The following ZMAT4 variants were observed in gnomAD, a reference collection of about 807,000 sequenced individuals.
The protein encoded by ZMAT4 is zinc finger matrin-type protein 4.
In ZMAT4, 17 loss-of-function variants were observed where a neutral mutation model predicts 28.7. The ratio of observed to expected loss-of-function variants is 0.59; its 90% CI spans 0.41 to 0.89. The LOEUF (loss-of-function observed/expected upper bound fraction) is 0.89, where lower values mean the gene tolerates loss of function less well. Among genes scored for constraint, ZMAT4 ranks in the 40% least tolerant of loss-of-function variants. The probability of loss-of-function intolerance (pLI) is 0.00; values close to 1 mark genes in which losing one functional copy is unlikely to be tolerated. For synonymous variants in ZMAT4, 117 were observed against 109.2 expected (o/e 1.07, Z -0.44); for missense variants, 240 against 283.8 (o/e 0.85, Z 1.11).
rs985568805 is a variant in ZMAT4 at position 40,667,843 on chromosome 8, A to C, written c.577+6861T>G. Among the ~76,000 whole-genome samples the C allele has an allele frequency of 1.5e-4, 22 of 146,352 alleles. No homozygotes were observed. In the East Asian group the frequency reaches 3.0e-3, roughly 20 times the overall value. On this transcript the variant is annotated intron_variant, in intron 5 of 6. Coordinates refer to ENST00000297737, the MANE Select transcript of ZMAT4 (RefSeq NM_024645.3). The stretch of plus-strand genomic sequence containing the variant: ...CATAAGGTCCATTATTTAAAAAAAA[A>C]AAAAACAACAAAAAAAAAAACCAAG...
At chr8:40,801,822 A>C (rs1454788260) in intron 2 of ZMAT4, among the ~76,000 whole-genome samples, 2 of 152,182 alleles carry the variant, frequency 1.3e-5, no homozygotes, top group East Asian at 1.9e-4. Context: ...TAGATGCAAA[A>C]TTTTCCAACA....
intron 1 of ZMAT4, among the ~76,000 whole-genome samples, chr8:40,846,846 A>C (rs940297315): frequency 6.6e-6 from 1 of 152,162 alleles, no homozygotes; most frequent in African/African-American, 2.4e-5. Flanking sequence ...GGGAACACTA[A>C]AAGCATAATT....
intron 5 of ZMAT4, among the ~76,000 whole-genome samples, chr8:40,650,903 A>G (rs1807611297): frequency 6.6e-6 from 1 of 152,072 alleles, no homozygotes; most frequent in Non-Finnish European, 1.5e-5. Flanking sequence ...CTCTCAATAA[A>G]TTAGGTATTG....
At chr8:40,564,488 C>T (rs1161093960) in intron 6 of ZMAT4, among the ~76,000 whole-genome samples, 1 of 152,182 alleles carries the variant, frequency 6.6e-6, no homozygotes, top group Admixed American at 6.5e-5. Context: ...GTCATTTGCA[C>T]ATCTCACTGT....
intron 5 of ZMAT4, among the ~76,000 whole-genome samples, chr8:40,594,897 G>A (rs1037164376): frequency 1.3e-5 from 2 of 152,022 alleles, no homozygotes; most frequent in Non-Finnish European, 2.9e-5. Context: ...AAATTATCTC[G>A]AGTCTTCGTT....
intron 1 of ZMAT4, among the ~76,000 whole-genome samples, chr8:40,859,491 C>T (rs1443155107): frequency 6.6e-6 from 1 of 152,106 alleles, no homozygotes; most frequent in Non-Finnish European, 1.5e-5. Context: ...CACACACACC[C>T]CTTAAGGATT....
At chr8:40,676,222 T>G (rs1808902468) in intron 4 of ZMAT4, among the ~76,000 whole-genome samples, 1 of 152,252 alleles carries the variant, frequency 6.6e-6, no homozygotes, top group South Asian at 2.1e-4. Flanking sequence ...AAAGCCAATG[T>G]TCCCTTCAAT....
chr8:40,714,945 AG>A (rs1487971500), intron 3 of ZMAT4, among the ~76,000 whole-genome samples: 1 of 148,952 alleles, frequency 6.7e-6, no homozygotes, highest in African/African-American at 2.5e-5. Flanking sequence ...GCTACTTGGG[AG>A]GCTGAGGGAG....
intron 1 of ZMAT4, among the ~76,000 whole-genome samples, chr8:40,838,748 G>A (rs1270241361): frequency 6.6e-6 from 1 of 152,142 alleles, no homozygotes; most frequent in Non-Finnish European, 1.5e-5. Context: ...CCAGCATCAG[G>A]GAAGAGCTGG....
intron 4 of ZMAT4, among the ~76,000 whole-genome samples, chr8:40,695,943 T>C (rs1035122367): frequency 6.6e-6 from 1 of 152,186 alleles, no homozygotes; most frequent in Admixed American, 6.5e-5. Flanking sequence ...TGGTTATTAA[T>C]TCATGGAAAA....
chr8:40,789,665 T>G (rs896882136), intron 2 of ZMAT4, among the ~76,000 whole-genome samples: 1 of 152,172 alleles, frequency 6.6e-6, no homozygotes, highest in African/African-American at 2.4e-5. Context: ...TCAAAATATC[T>G]CATGTACCCC....
chr8:40,720,479 C>A (rs1043423683), intron 3 of ZMAT4, among the ~76,000 whole-genome samples: 5 of 150,744 alleles, frequency 3.3e-5, no homozygotes, highest in Admixed American at 2.6e-4. Context: ...CAATGCCCAG[C>A]TAGATCACAG....
intron 1 of ZMAT4, among the ~76,000 whole-genome samples, chr8:40,859,102 C>T (rs539773609): frequency 6.6e-6 from 1 of 152,176 alleles, no homozygotes; most frequent in South Asian, 2.1e-4. Context: ...CTGGCGCCTG[C>T]CTTTCCGGTC....
intron 5 of ZMAT4, among the ~76,000 whole-genome samples, chr8:40,665,072 G>A (rs983245837): frequency 2.0e-5 from 3 of 152,168 alleles, no homozygotes; most frequent in African/African-American, 7.2e-5. Context: ...CAGGCGTGGT[G>A]GTGGGCACCT....
At chr8:40,666,503 T>C (rs1808420598) in intron 5 of ZMAT4, among the ~76,000 whole-genome samples, 1 of 152,122 alleles carries the variant, frequency 6.6e-6, no homozygotes, top group Non-Finnish European at 1.5e-5. Context: ...TAACACAATT[T>C]CACAGGGTTC....
chr8:40,883,034 C>CA (rs1359078915), intron 1 of ZMAT4, among the ~76,000 whole-genome samples: 3 of 152,270 alleles, frequency 2.0e-5, no homozygotes, highest in African/African-American at 7.2e-5. Context: ...AGTTCCCTCT[C>CA]AGAGAAATTG....
chr8:40,862,441 G>T, intron 1 of ZMAT4, among the ~76,000 whole-genome samples: 2 of 115,194 alleles, frequency 1.7e-5, no homozygotes, highest in African/African-American at 3.2e-5. Flanking sequence ...GAGGGGGGAG[G>T]GATAGCATTG....
intron 2 of ZMAT4, among the ~76,000 whole-genome samples, chr8:40,781,325 C>T (rs902926157): frequency 6.6e-6 from 1 of 152,084 alleles, no homozygotes; most frequent in Non-Finnish European, 1.5e-5. Context: ...CACGTGGACT[C>T]AGATTAGCCA....
rs74535186 is a variant in ZMAT4, at chr8:40,740,893, C to T, written c.192+26748G>A. Among the ~76,000 whole-genome samples the T allele has an allele frequency of 9.4e-3, 1,435 of 152,070 alleles. 21 individuals are homozygous for T. Among genetic ancestry groups the T allele is most frequent in the African/African-American group, 0.033 (1,386 of 41,450 alleles). ...TGTTCCCTCCAATTTTCATTTCCTC[C>T]CTCTAATCTACTTTATACATTCTTG... On this transcript the variant is annotated intron_variant, in intron 3 of 6. Transcript: ENST00000297737.
Sources: allele counts gnomAD v4.1 joint callset (sites outside exome capture counted in the v4.1 genomes callset), GRCh38; gene constraint gnomAD v4.1.1; transcripts MANE v1.5; gene names NCBI Gene and HGNC (gene_info 2026-07-23, HGNC 2026-07-21).